Variants in NFKB1 observed in about 807,000 individuals in gnomAD.
The protein encoded by NFKB1 is nuclear factor kappa B subunit 1, also known as nuclear factor NF-kappa-B p105 subunit.
In NFKB1, 9 loss-of-function variants were observed where a neutral mutation model predicts 105.1. That is an observed-to-expected ratio of 0.09 (90% confidence interval 0.05 to 0.15). The LOEUF (loss-of-function observed/expected upper bound fraction) is 0.15. Among genes scored for constraint, NFKB1 ranks in the 10% least tolerant of loss-of-function variants. NFKB1 has a pLI of 1.00. For missense variants in NFKB1, 830 were observed against 1,203.7 expected (o/e 0.69, Z 4.59); for synonymous variants, 440 against 442.2 (o/e 1.00, Z 0.06).
At position 102,596,341 on chromosome 4, in the gene NFKB1, G is replaced by C. The variant is rs781446933; in HGVS notation, c.1495+9G>C. On this transcript the variant is annotated intron_variant, in intron 14 of 23. Transcript: ENST00000226574. ...GAGTGCTGGAGTTCAGGGTAAGTGA[G>C]CACACAAATTACGTTCTGTTGGTTG... is the stretch of plus-strand genomic sequence containing the variant. The C allele has an allele frequency of 6.3e-7, 1 of 1,591,590 alleles. No homozygotes were observed. Among genetic ancestry groups the C allele is most frequent in the South Asian group, 1.1e-5 (1 of 88,620 alleles).
chr4:102,604,648 G>A (rs1335505412), intron 16 of NFKB1, among the ~76,000 whole-genome samples: 1 of 151,376 alleles, frequency 6.6e-6, no homozygotes. Context: ...AGAGAATCTA[G>A]TATGGGTCTT....
chr4:102,561,552 G>C (rs753728831), intron 5 of NFKB1, among the ~76,000 whole-genome samples: 6 of 152,112 alleles, frequency 3.9e-5, no homozygotes, highest in Admixed American at 1.3e-4. Flanking sequence ...CACACACACA[G>C]AAGAAAAAAT....
At chr4:102,614,123 C>T (rs1013504052) in intron 23 of NFKB1, among the ~76,000 whole-genome samples, 1 of 152,174 alleles carries the variant, frequency 6.6e-6, no homozygotes, top group African/African-American at 2.4e-5. Context: ...CCTTCCCTCC[C>T]CTTACTCATG....
chr4:102,610,991 A>G (rs1300806902), intron 20 of NFKB1, among the ~76,000 whole-genome samples: 1 of 152,224 alleles, frequency 6.6e-6, no homozygotes, highest in African/African-American at 2.4e-5. Flanking sequence ...TTCCAAATTC[A>G]CACCATAATT....
chr4:102,599,821 G>C (rs1726982625), intron 15 of NFKB1, among the ~76,000 whole-genome samples: 1 of 152,172 alleles, frequency 6.6e-6, no homozygotes, highest in Non-Finnish European at 1.5e-5. Context: ...AGCATAGTCT[G>C]GTAAATCAAA....
chr4:102,613,127 G>A (rs1054408542), intron 22 of NFKB1, among the ~76,000 whole-genome samples: 5 of 152,156 alleles, frequency 3.3e-5, no homozygotes, highest in Admixed American at 1.3e-4. Flanking sequence ...TACAGAGGGA[G>A]ACTGTGTAGA....
At chr4:102,530,007 T>C (rs1358899242) in intron 3 of NFKB1, 93 bp downstream of exon 3, 2 of 839,058 alleles carry the variant, frequency 2.4e-6, no homozygotes, top group East Asian at 2.7e-5. Context: ...AACTCAGTTG[T>C]GTACCTAGAA....
At chr4:102,508,398 G>A (rs1352749471) in intron 1 of NFKB1, among the ~76,000 whole-genome samples, 1 of 152,172 alleles carries the variant, frequency 6.6e-6, no homozygotes, top group Non-Finnish European at 1.5e-5. Flanking sequence ...TGAAAGCAAT[G>A]TTAAGAATTA....
At chr4:102,614,096 T>G (rs1728705379) in intron 23 of NFKB1, among the ~76,000 whole-genome samples, 2 of 152,120 alleles carry the variant, frequency 1.3e-5, no homozygotes, top group African/African-American at 4.8e-5. Context: ...GCTTTCTATT[T>G]CTAAACCCCC....
At chr4:102,585,025 G>A (rs1200181780) in intron 11 of NFKB1, among the ~76,000 whole-genome samples, 2 of 151,938 alleles carry the variant, frequency 1.3e-5, no homozygotes, top group East Asian at 3.9e-4. Context: ...GGGACTACAG[G>A]TGTGCGCCAC....
Position 102,537,887 on chromosome 4 carries a change from A to G in NFKB1, c.189A>G (p.Glu63=), listed in dbSNP as rs1462783079. 1 of 1,611,778 alleles carries G rather than the reference A, an allele frequency of 6.2e-7. No homozygotes were observed. Among genetic ancestry groups the G allele is most frequent in the Non-Finnish European group, 8.5e-7 (1 of 1,178,158 alleles). The change falls in exon 5 of 24, where the codon GAA becomes GAG. Residue 63 remains glutamate (E), a synonymous_variant. Coordinates refer to ENST00000226574, the MANE Select transcript of NFKB1 (RefSeq NM_003998.4). ...GATTTCGTTTCCGTTATGTATGTGA[A>G]GGCCCATCCCATGGTGGACTACCTG... The part of the protein sequence containing the change: ...QRGFRFRYVC[E]GPSHGGLPGA...
intron 15 of NFKB1, 81 bp from the exon 16 acceptor site, chr4:102,600,814 C>T (rs1727082669): frequency 3.5e-6 from 3 of 859,286 alleles, no homozygotes; most frequent in South Asian, 1.4e-5. Context: ...AGATTCCATT[C>T]TTGAGTCTAA....
At chr4:102,543,320 G>A (rs530356843) in intron 5 of NFKB1, among the ~76,000 whole-genome samples, 23 of 152,224 alleles carry the variant, frequency 1.5e-4, no homozygotes, top group African/African-American at 5.5e-4. Context: ...ACGTCCTTCT[G>A]TGTGGTCCAC....
chr4:102,578,050 C>T, intron 7 of NFKB1: 1 of 906,980 alleles, frequency 1.1e-6, no homozygotes, highest in Non-Finnish European at 1.3e-6. Flanking sequence ...TTTGCCCCTT[C>T]AGGTCAAAGT....
rs1416497348 is a variant in NFKB1 at position 102,578,891 on chromosome 4, A to G, written c.582A>G (p.Lys194=). The change falls in exon 8 of 24, where the codon AAA becomes AAG. Residue 194 remains lysine, a synonymous_variant. Coordinates refer to ENST00000226574, the MANE Select transcript of NFKB1 (RefSeq NM_003998.4). ...GCTGTATGGCCCTAGATCGGGAAAA[A>G]GAGCTAATCCGCCAAGCAGCTCTGC... ...GGDRQLGDRE[K]ELIRQAALQQ... is the part of the protein sequence containing the mutation. The G allele has an allele frequency of 6.2e-7, 1 of 1,614,046 alleles. No homozygotes were observed. Among genetic ancestry groups the G allele is most frequent in the Middle Eastern group, 1.7e-4 (1 of 6,060 alleles).
At chr4:102,532,392 G>A (rs746397640) in intron 3 of NFKB1, among the ~76,000 whole-genome samples, 1 of 152,188 alleles carries the variant, frequency 6.6e-6, no homozygotes, top group Non-Finnish European at 1.5e-5. Context: ...ACTTTGGGAG[G>A]CCAAGGCAGG....
At chr4:102,540,353 C>G (rs1214343238) in intron 5 of NFKB1, among the ~76,000 whole-genome samples, 2 of 152,086 alleles carry the variant, frequency 1.3e-5, no homozygotes, top group Non-Finnish European at 2.9e-5. Flanking sequence ...TTCATCTACT[C>G]AAAAACATAT....
chr4:102,531,883 C>T (rs1335844699), intron 3 of NFKB1, among the ~76,000 whole-genome samples: 1 of 152,090 alleles, frequency 6.6e-6, no homozygotes, highest in East Asian at 1.9e-4. Context: ...CTTCCAACTC[C>T]TCTGTATTTT....
intron 2 of NFKB1, among the ~76,000 whole-genome samples, chr4:102,528,059 G>T (rs565086298): frequency 6.6e-6 from 1 of 152,164 alleles, no homozygotes; most frequent in African/African-American, 2.4e-5. Flanking sequence ...CATGTCCTCA[G>T]TGTTTTAGTG....
Sources: gnomAD v4.1 joint callset for allele counts (sites outside exome capture counted in the v4.1 genomes callset) on GRCh38, gnomAD v4.1.1 for gene constraint, MANE v1.5 for transcripts, NCBI Gene and HGNC (gene_info 2026-07-23, HGNC 2026-07-21) for gene names.